MYO5B: variants seen among roughly 807,000 people sequenced by gnomAD.
The protein encoded by MYO5B is unconventional myosin-Vb.
Under a neutral mutation model 229.3 loss-of-function variants are expected in MYO5B, and 143 were observed. The ratio of observed to expected loss-of-function variants is 0.62; its 90% CI spans 0.54 to 0.72. MYO5B has a LOEUF of 0.72. MYO5B is among the 30% of genes least tolerant of loss of function. The pLI is 0.00. For missense variants in MYO5B, 2,321 were observed against 2,331.0 expected, an observed-to-expected ratio of 1.00 and a Z score of 0.09; for synonymous variants, 918 against 885.2, an observed-to-expected ratio of 1.04 and a Z score of -0.66.
chr18:49,973,331 G>A (rs528459098), intron 10 of MYO5B, among the ~76,000 whole-genome samples: 5 of 152,308 alleles, frequency 3.3e-5, no homozygotes, highest in African/African-American at 7.2e-5. Context: ...CGCATGCCAC[G>A]TGGGGAAGTG....
At chr18:49,917,653 T>C (rs2025031905) in intron 17 of MYO5B, among the ~76,000 whole-genome samples, 1 of 152,184 alleles carries the variant, frequency 6.6e-6, no homozygotes, top group African/African-American at 2.4e-5. Context: ...AATCCTGGCT[T>C]GGCTTCTCTT....
intron 36 of MYO5B, 115 bp from the exon 37 acceptor site, chr18:49,837,917 C>T (rs1223222394): frequency 3.0e-6 from 4 of 1,340,264 alleles, no homozygotes; most frequent in Non-Finnish European, 4.2e-6. Context: ...CAGAGGTGTG[C>T]AATGTTGACA....
chr18:49,902,022 C>T (rs2024847161), intron 21 of MYO5B, among the ~76,000 whole-genome samples: 1 of 152,242 alleles, frequency 6.6e-6, no homozygotes, highest in Admixed American at 6.5e-5. Context: ...AAAACACCAG[C>T]ACCTTGGGCT....
intron 21 of MYO5B, among the ~76,000 whole-genome samples, chr18:49,897,169 C>G (rs1250593070): frequency 1.3e-5 from 2 of 152,162 alleles, no homozygotes; most frequent in Admixed American, 6.5e-5. Flanking sequence ...TTCTGGACAT[C>G]TGACTTCAGA....
intron 4 of MYO5B, among the ~76,000 whole-genome samples, chr18:50,033,743 CG>C (rs2026416341): frequency 1.3e-5 from 2 of 152,108 alleles, no homozygotes; most frequent in South Asian, 4.1e-4. Context: ...ATTAAAATGA[CG>C]TTTCATAGGA....
intron 21 of MYO5B, among the ~76,000 whole-genome samples, chr18:49,895,699 CT>C (rs1450748877): frequency 6.6e-6 from 1 of 152,310 alleles, no homozygotes; most frequent in East Asian, 1.9e-4. Flanking sequence ...TCTCTCACCC[CT>C]GTCAGCCATG....
intron 14 of MYO5B, among the ~76,000 whole-genome samples, chr18:49,946,872 C>T (rs2144232467): frequency 6.6e-6 from 1 of 152,190 alleles, no homozygotes; most frequent in Middle Eastern, 3.4e-3. Flanking sequence ...GTTTTATAAA[C>T]TCAAATGAAC....
At chr18:49,921,256 GTTTTTTTT>G (rs11306054) in intron 17 of MYO5B, among the ~76,000 whole-genome samples, 1 of 121,832 alleles carries the variant, frequency 8.2e-6, no homozygotes, top group African/African-American at 3.0e-5. Context: ...TTCAAGCAGA[GTTTTTTTT>G]TTTTTTTTTT....
chr18:49,838,457 A>G (rs1464632210), intron 36 of MYO5B, among the ~76,000 whole-genome samples: 4 of 152,224 alleles, frequency 2.6e-5, no homozygotes, highest in Non-Finnish European at 5.9e-5. Flanking sequence ...ATTTCCAGAC[A>G]GGAAGGAGGG....
At chr18:50,032,932 AGC>A (rs769638481) in intron 4 of MYO5B, among the ~76,000 whole-genome samples, 2 of 152,082 alleles carry the variant, frequency 1.3e-5, no homozygotes, top group Non-Finnish European at 2.9e-5. Context: ...GGTTGCAGTG[AGC>A]CAAGATTGCA....
chr18:49,867,886 A>G (rs1487006165), intron 27 of MYO5B, among the ~76,000 whole-genome samples: 3 of 152,356 alleles, frequency 2.0e-5, no homozygotes, highest in African/African-American at 7.2e-5. Context: ...TTTTAAAATT[A>G]TGAGGAATTT....
rs2032901280 is a variant in MYO5B at position 50,169,810 on chromosome 18, T to G, written c.27+24957A>C. Among the ~76,000 whole-genome samples, 2 of 127,210 alleles carry G rather than the reference T, an allele frequency of 1.6e-5. 1 individual carries two copies. Among genetic ancestry groups the G allele is most frequent in the South Asian group, 5.5e-4 (2 of 3,626 alleles). 83.5% of individuals were successfully genotyped at this position (127,210 alleles called of 152,430 possible). A position where few individuals can be genotyped will look rare whatever the true frequency, so the allele number is the denominator to read the frequency against. On this transcript the variant is annotated intron_variant, in intron 1 of 39. Coordinates refer to ENST00000285039, the MANE Select transcript of MYO5B (RefSeq NM_001080467.3). ...TTCAAAACACAGTATTTTAAAGAAATTTTTGCTCTTCACCTTTCCACTTGC... is the reference window on the plus strand; with the variant it reads ...TTCAAAACACAGTATTTTAAAGAAAGTTTTGCTCTTCACCTTTCCACTTGC...
chr18:49,938,959 CT>C (rs553753400), intron 14 of MYO5B, among the ~76,000 whole-genome samples: 2 of 144,190 alleles, frequency 1.4e-5, no homozygotes, highest in Non-Finnish European at 3.1e-5. Flanking sequence ...CCCTCAAGGT[CT>C]GTGTTGAATC....
chr18:49,872,242 T>C lies in MYO5B; in HGVS notation c.3538-10A>G, dbSNP rs1048891075. 2 of 1,613,970 alleles carry C rather than the reference T, an allele frequency of 1.2e-6. No homozygotes were observed. Among genetic ancestry groups the C allele is most frequent in the Admixed American group, 1.7e-5 (1 of 60,022 alleles). ...TCTGTGGTGGTTCCGCCTGCATGGA[T>C]AGAGACACAAAGATAAGTGCAGACC... On this transcript the variant is annotated splice_polypyrimidine_tract_variant and intron_variant, in intron 26 of 39. Coordinates refer to ENST00000285039, the MANE Select transcript of MYO5B (RefSeq NM_001080467.3).
chr18:50,082,096 T>C (rs994978797), intron 1 of MYO5B, among the ~76,000 whole-genome samples: 4 of 152,332 alleles, frequency 2.6e-5, no homozygotes, highest in African/African-American at 9.6e-5. Context: ...TAAGAGGAAA[T>C]GTCTTTTTAT....
chr18:50,157,090 G>T (rs935559143), intron 1 of MYO5B, among the ~76,000 whole-genome samples: 20 of 142,618 alleles, frequency 1.4e-4, no homozygotes, highest in African/African-American at 4.4e-4. Flanking sequence ...TTTTTGTTTT[G>T]TTTTTTTTTT....
intron 1 of MYO5B, among the ~76,000 whole-genome samples, chr18:50,072,684 G>A (rs1429400340): frequency 6.6e-6 from 1 of 152,184 alleles, no homozygotes; most frequent in African/African-American, 2.4e-5. Context: ...TAGTTAAGCA[G>A]GCAAAGCATA....
Position 50,169,632 on chromosome 18 carries a change from G to A in MYO5B, c.27+25135C>T, listed in dbSNP as rs185929123. 4.3e-4 allele frequency among the ~76,000 whole-genome samples: 55 copies of A among 127,798 alleles called. 13 individuals carry two copies. Among genetic ancestry groups the A allele is most frequent in the Admixed American group, 1.5e-3 (18 of 11,952 alleles). 83.8% of individuals were successfully genotyped at this position (127,798 alleles called of 152,430 possible). A position where few individuals can be genotyped will look rare whatever the true frequency, so the allele number is the denominator to read the frequency against. On this transcript the variant is annotated intron_variant, in intron 1 of 39. Transcript: ENST00000285039. ...ACGTTCCAGATTGGAAGAGACTAGA[G>A]AGAGATGACAAGTGGGTGTGATGTA...
intron 14 of MYO5B, among the ~76,000 whole-genome samples, chr18:49,939,355 A>C (rs1333710851): frequency 6.6e-6 from 1 of 152,008 alleles, no homozygotes; most frequent in Admixed American, 6.6e-5. Flanking sequence ...CATGTTGGCC[A>C]GGATGGTCTC....
Sources: gnomAD v4.1 joint callset for allele counts (sites outside exome capture counted in the v4.1 genomes callset) on GRCh38, gnomAD v4.1.1 for gene constraint, MANE v1.5 for transcripts, NCBI Gene and HGNC (gene_info 2026-07-23, HGNC 2026-07-21) for gene names.